Variants in CCDC18 observed in about 807,000 individuals in gnomAD.
CCDC18 encodes coiled-coil domain containing 18, also known as coiled-coil domain-containing protein 18.
A neutral mutation model predicts 196.0 loss-of-function variants in CCDC18; 157 were observed. That is an observed-to-expected ratio of 0.80 (90% CI 0.70 to 0.91). CCDC18 has a LOEUF of 0.91. CCDC18 is among the 40% of genes least tolerant of loss of function. CCDC18 has a pLI of 0.00. For missense variants in CCDC18, 1,465 were observed against 1,611.6 expected (o/e 0.91, Z 1.56); for synonymous variants, 482 against 529.2 (o/e 0.91, Z 1.22).
Position 93,246,911 on chromosome 1 carries a change from C to A in CCDC18, c.3155C>A (p.Thr1052Asn). Reference protein sequence around the residue: ...MEQKIIKLEGTLEKSELELKE... With the variant: ...MEQKIIKLEGNLEKSELELKE... ...CAAAAAATAATTAAATTAGAAGGTACTCTGGAGAAATCAGAATTGGAACTT... is the reference window on the plus strand; with the variant it reads ...CAAAAAATAATTAAATTAGAAGGTAATCTGGAGAAATCAGAATTGGAACTT... The change falls in exon 23 of 29, where the codon ACT becomes AAT. Residue 1052 changes from threonine to asparagine, a missense_variant. Physicochemically the swap from Thr to Asn is moderately conservative, Grantham distance 65 (BLOSUM62 0). Coordinates refer to ENST00000690025, the MANE Select transcript of CCDC18 (RefSeq NM_001378204.1). The A allele has an allele frequency of 6.6e-7, 1 of 1,508,660 alleles. No individual in the cohort carries two copies. Among genetic ancestry groups the A allele is most frequent in the Non-Finnish European group, 9.1e-7 (1 of 1,101,490 alleles). 93.5% of individuals were successfully genotyped at this position (1,508,660 alleles called of 1,614,324 possible).
chr1:93,190,677 T>C (rs1052952030), intron 4 of CCDC18: 15 of 139,064 alleles, frequency 1.1e-4, no homozygotes, highest in South Asian at 4.2e-4. Context: ...TTTCTTTCCC[T>C]TTTTTTTTTT....
chr1:93,205,759 G>C, intron 8 of CCDC18, 128 bp downstream of exon 8: 1 of 824,862 alleles, frequency 1.2e-6, no homozygotes, highest in Non-Finnish European at 1.9e-6. Context: ...CTTCATGACT[G>C]AAACTGTTTT....
At chr1:93,244,973 C>T (rs1333645332) in intron 21 of CCDC18, among the ~76,000 whole-genome samples, 5 of 152,174 alleles carry the variant, frequency 3.3e-5, no homozygotes, top group African/African-American at 1.2e-4. Flanking sequence ...AGTAGCCACC[C>T]AGTCACTACC....
intron 17 of CCDC18, 109 bp from the exon 18 acceptor site, chr1:93,232,317 C>T (rs2100711978): frequency 1.5e-6 from 1 of 651,606 alleles, no homozygotes; most frequent in Non-Finnish European, 2.7e-6. Context: ...TGCAATTGTC[C>T]CACATGACAA....
intron 28 of CCDC18, among the ~76,000 whole-genome samples, chr1:93,274,160 T>A (rs566713402): frequency 1.1e-4 from 17 of 152,260 alleles, no homozygotes; most frequent in African/African-American, 4.1e-4. Flanking sequence ...ATCCCAGCAC[T>A]TTGGGAGGCT....
In CCDC18 at chr1:93,264,893, C is replaced by T; in HGVS notation, c.3877C>T (p.Leu1293Phe). The T allele has an allele frequency of 6.3e-7, 1 of 1,597,976 alleles. No homozygotes were observed. Among genetic ancestry groups the T allele is most frequent in the Non-Finnish European group, 8.6e-7 (1 of 1,165,618 alleles). ...EVIEAANEAL[L>F]TKESELTRLQ... ...AATTGAAGCTGCAAATGAAGCATTA[C>T]TTACTAAAGTAAGTAAACATATAAA... The change falls in exon 27 of 29, where the codon CTT becomes TTT. Residue 1293 changes from leucine (L) to phenylalanine (F), a missense_variant. Coordinates refer to ENST00000690025, the MANE Select transcript of CCDC18 (RefSeq NM_001378204.1).
upstream of CCDC18, chr1:93,180,321 G>GT (rs1649301689): frequency 1.4e-6 from 2 of 1,453,576 alleles, no homozygotes; most frequent in Non-Finnish European, 1.8e-6. Context: ...TGGACTCCTC[G>GT]TGGTTGACAG....
In CCDC18 at chr1:93,226,452, A is replaced by G; in HGVS notation, c.2292+3A>G. ...AGTTAAAGAAGAAATCTGAAGAGGT[A>G]AATTAACATTTACTTTATATATAGC... On this transcript the variant is annotated splice_donor_region_variant and intron_variant, in intron 17 of 28. Coordinates refer to ENST00000690025, the MANE Select transcript of CCDC18 (RefSeq NM_001378204.1). The G allele has an allele frequency of 2.3e-6, 3 of 1,314,600 alleles. No homozygotes were observed. The South Asian group carries it at 3.6e-5, about 16-fold the overall frequency. The allele number at this position is 1,314,600 out of a possible 1,614,324, so 81.4% of individuals were successfully genotyped here.
chr1:93,274,133 G>A (rs939256131), intron 28 of CCDC18, among the ~76,000 whole-genome samples: 4 of 152,262 alleles, frequency 2.6e-5, no homozygotes, highest in East Asian at 1.9e-4. Context: ...AGCCAGGCGC[G>A]GTGGCTCACG....
At chr1:93,244,311 T>G (rs1661210351) in intron 21 of CCDC18, among the ~76,000 whole-genome samples, 2 of 152,172 alleles carry the variant, frequency 1.3e-5, no homozygotes, top group Non-Finnish European at 2.9e-5. Flanking sequence ...CCTAAACATG[T>G]AGAATTCAAG....
chr1:93,221,933 C>G lies in CCDC18; in HGVS notation c.2172C>G (p.Ile724Met), dbSNP rs1657491931. ...ALQNQVSEETIKVRQLDSALE... is the reference protein window; with the variant it reads ...ALQNQVSEETMKVRQLDSALE... ...AGAACCAAGTATCTGAAGAAACAAT[C>G]AAGGCTAGTATGCTAATACTTTATT... The change falls in exon 16 of 29, where the codon ATC (isoleucine) becomes ATG (methionine). Residue 724 changes from isoleucine to methionine, a missense_variant. Physicochemically the swap from Ile to Met is conservative, Grantham distance 10 (BLOSUM62 1). Coordinates refer to ENST00000690025, the MANE Select transcript of CCDC18 (RefSeq NM_001378204.1). 3 of 1,562,008 alleles carry G rather than the reference C, an allele frequency of 1.9e-6. No homozygotes were observed. In the African/African-American group the frequency reaches 4.2e-5, roughly 22 times the overall value.
chr1:93,221,830 CATACTT>C (rs767576099), intron 15 of CCDC18, 23 bp from the exon 16 acceptor site: 384 of 1,580,402 alleles, frequency 2.4e-4, no homozygotes, highest in Non-Finnish European at 3.0e-4. Context: ...ATCAAATCTG[CATACTT>C]ATACTTTTCT....
Position 93,180,741 on chromosome 1 carries a change from G to T in CCDC18, c.-114G>T. On this transcript the variant is annotated 5_prime_UTR_variant, in exon 1 of 29. Transcript: ENST00000690025. ...CCCGCGGCGGTTCGAATTCTGTGCT[G>T]CCGGGGTTCGCTGGTTCTCCGAGTT... The T allele has an allele frequency of 7.3e-7, 1 of 1,366,748 alleles. No individual in the cohort carries two copies. The highest frequency in any genetic ancestry group is 9.8e-7 in the Non-Finnish European group (1 of 1,021,498). The allele number at this position is 1,366,748 out of a possible 1,614,324, so 84.7% of individuals were successfully genotyped here.
In CCDC18 at chr1:93,190,380, C is replaced by T. The variant is rs535205992; in HGVS notation, c.463-1620C>T. Among the ~76,000 whole-genome samples, 259 of 152,184 alleles carry T rather than the reference C, an allele frequency of 1.7e-3. 1 individual carries two copies. Among genetic ancestry groups the T allele is most frequent in the East Asian group, 8.9e-3 (46 of 5,182 alleles). On this transcript the variant is annotated intron_variant, in intron 4 of 28. Coordinates refer to ENST00000690025, the MANE Select transcript of CCDC18 (RefSeq NM_001378204.1). ...ATGTGTGCCTGTAGTCCCAACTACT[C>T]GGGAGGCTGAGGCAGGAGAATTGCT...
chr1:93,267,465 G>T (rs1035878158), intron 27 of CCDC18, among the ~76,000 whole-genome samples: 4 of 152,096 alleles, frequency 2.6e-5, no homozygotes, highest in Non-Finnish European at 5.9e-5. Context: ...GAGAAAGAAA[G>T]AAAGGGTATT....
intron 9 of CCDC18, among the ~76,000 whole-genome samples, chr1:93,210,451 T>A (rs1431143356): frequency 6.6e-6 from 1 of 152,202 alleles, no homozygotes; most frequent in Non-Finnish European, 1.5e-5. Context: ...AATTCATGTG[T>A]ATCCTTCTCG....
At chr1:93,200,856 G>A (rs765875781) in intron 6 of CCDC18, among the ~76,000 whole-genome samples, 5 of 152,228 alleles carry the variant, frequency 3.3e-5, no homozygotes, top group African/African-American at 1.2e-4. Context: ...AAGGATAATA[G>A]AGGAAAGCAC....
In CCDC18 at chr1:93,265,646, C is replaced by A. The variant is rs1252972058; in HGVS notation, c.3885+745C>A. On this transcript the variant is annotated intron_variant, in intron 27 of 28. Coordinates refer to ENST00000690025, the MANE Select transcript of CCDC18 (RefSeq NM_001378204.1). Reference sequence around the variant, plus strand: ...TTACAACAAAAAATTGGCACTCTAGCCACTTTAAACCAACAGGCTTTAAAC... The same window carrying A: ...TTACAACAAAAAATTGGCACTCTAGACACTTTAAACCAACAGGCTTTAAAC... Among the ~76,000 whole-genome samples the A allele has an allele frequency of 3.7e-4, 56 of 152,066 alleles. 1 individual carries two copies. The highest frequency in any genetic ancestry group is 1.5e-5 in the Non-Finnish European group (1 of 68,010).
chr1:93,249,646 G>T (rs1430453657), intron 23 of CCDC18, among the ~76,000 whole-genome samples: 2 of 152,012 alleles, frequency 1.3e-5, no homozygotes, highest in East Asian at 3.9e-4. Context: ...AATGTATTAT[G>T]TATTATCCAG....
Sources: gnomAD v4.1 joint callset for allele counts (sites outside exome capture counted in the v4.1 genomes callset) on GRCh38, gnomAD v4.1.1 for gene constraint, MANE v1.5 for transcripts, NCBI Gene and HGNC (gene_info 2026-07-23, HGNC 2026-07-21) for gene names.